The following RAB38 variants were observed in gnomAD, a reference collection of about 807,000 sequenced individuals.
RAB38 encodes the protein RAB38, member RAS oncogene family.
Under a neutral mutation model 18.4 loss-of-function variants are expected in RAB38, and 15 were observed. The observed-to-expected ratio is 0.82, with a 90% CI of 0.55 to 1.26. The LOEUF is 1.26. Ranked by LOEUF, RAB38 falls within the 50% of genes most tolerant of loss-of-function variation. The probability of loss-of-function intolerance (pLI) is 0.00; values close to 1 mark genes in which losing one functional copy is unlikely to be tolerated. For missense variants in RAB38, 294 were observed against 267.4 expected (o/e 1.10, Z -0.69); for synonymous variants, 101 against 104.4 (o/e 0.97, Z 0.20).
At chr11:87,879,127 A>G in the RAB38 span, among the ~76,000 whole-genome samples, 1 of 151,620 alleles carries the variant, frequency 6.6e-6, no homozygotes, top group Non-Finnish European at 1.5e-5. Flanking sequence ...AATTACTTTT[A>G]TATTAGGCAT....
the RAB38 span, among the ~76,000 whole-genome samples, chr11:87,937,817 GCTTT>G: frequency 5.5e-4 from 81 of 146,196 alleles, no homozygotes; most frequent in African/African-American, 1.9e-3. Context: ...CTTGGCCGGC[GCTTT>G]CTATTTTCTT....
the RAB38 span, among the ~76,000 whole-genome samples, chr11:87,915,488 C>T: frequency 1.3e-5 from 2 of 152,066 alleles, no homozygotes; most frequent in African/African-American, 4.8e-5. Flanking sequence ...TGCTAAAAGA[C>T]ACTCCCACCA....
the RAB38 span, among the ~76,000 whole-genome samples, chr11:87,969,208 G>C: frequency 6.6e-6 from 1 of 151,878 alleles, no homozygotes; most frequent in African/African-American, 2.4e-5. Flanking sequence ...TTTCCAACTC[G>C]ATATTACTCA....
At chr11:87,905,497 T>G in the RAB38 span, among the ~76,000 whole-genome samples, 1 of 152,080 alleles carries the variant, frequency 6.6e-6, no homozygotes, top group Admixed American at 6.6e-5. Context: ...CTTGCAGACT[T>G]AATTTACTTG....
At chr11:87,860,156 C>T in the RAB38 span, among the ~76,000 whole-genome samples, 2 of 151,830 alleles carry the variant, frequency 1.3e-5, no homozygotes, top group Non-Finnish European at 2.9e-5. Context: ...TTAAAGTGCT[C>T]ACTATACTAG....
the RAB38 span, among the ~76,000 whole-genome samples, chr11:87,835,305 C>T: frequency 2.0e-5 from 3 of 151,992 alleles, no homozygotes; most frequent in Non-Finnish European, 4.4e-5. Flanking sequence ...GTACTGTCAC[C>T]ACCAAAGGCA....
the RAB38 span, among the ~76,000 whole-genome samples, chr11:87,876,246 C>T: frequency 6.6e-6 from 1 of 151,562 alleles, no homozygotes; most frequent in Non-Finnish European, 1.5e-5. Flanking sequence ...GACATTCATG[C>T]CAATGACTGA....
chr11:87,969,791 G>T, the RAB38 span, among the ~76,000 whole-genome samples: 1 of 152,110 alleles, frequency 6.6e-6, no homozygotes, highest in Non-Finnish European at 1.5e-5. Flanking sequence ...CTAGCAAAAA[G>T]GTAACAGCTT....
the RAB38 span, among the ~76,000 whole-genome samples, chr11:87,867,161 G>A: frequency 2.0e-5 from 3 of 151,722 alleles, no homozygotes; most frequent in Non-Finnish European, 4.4e-5. Flanking sequence ...ACTACCACAT[G>A]CTTGGCAGCA....
At chr11:88,065,225 C>T in the RAB38 span, among the ~76,000 whole-genome samples, 1 of 152,182 alleles carries the variant, frequency 6.6e-6, no homozygotes, top group Admixed American at 6.5e-5. Context: ...CTAACCAATG[C>T]CACAATAACG....
At chr11:87,867,840 C>CAGAG in the RAB38 span, among the ~76,000 whole-genome samples, 2 of 151,608 alleles carry the variant, frequency 1.3e-5, no homozygotes, top group East Asian at 3.9e-4. Flanking sequence ...AACTAAGATC[C>CAGAG]AGAGAGTTAA....
chr11:87,879,232 G>A, the RAB38 span, among the ~76,000 whole-genome samples: 1 of 151,354 alleles, frequency 6.6e-6, no homozygotes, highest in Non-Finnish European at 1.5e-5. Flanking sequence ...CATTTTCATG[G>A]ATACGGACTG....
the RAB38 span, among the ~76,000 whole-genome samples, chr11:87,824,763 T>A: frequency 6.6e-6 from 1 of 151,556 alleles, no homozygotes; most frequent in Non-Finnish European, 1.5e-5. Flanking sequence ...TTCCAGGAGG[T>A]CCAAAATGCA....
intron 1 of RAB38, among the ~76,000 whole-genome samples, chr11:88,154,468 T>G (rs1943101474): frequency 6.6e-6 from 1 of 152,180 alleles, no homozygotes; most frequent in Non-Finnish European, 1.5e-5. Context: ...AGGGCCAGCT[T>G]GGCGATCTGG....
At chr11:88,003,880 A>AG in the RAB38 span, among the ~76,000 whole-genome samples, 800 of 16,740 alleles carry the variant, frequency 0.048, 244 homozygotes, top group South Asian at 0.073. Context: ...ATATATTTAT[A>AG]TATATAATTA....
the RAB38 span, among the ~76,000 whole-genome samples, chr11:87,977,831 A>ATG: frequency 1.8e-5 from 2 of 108,822 alleles, no homozygotes; most frequent in Non-Finnish European, 3.4e-5. Flanking sequence ...ATGTTCCTAT[A>ATG]TAATCATGTA....
At chr11:88,043,074 G>C in the RAB38 span, among the ~76,000 whole-genome samples, 1 of 152,002 alleles carries the variant, frequency 6.6e-6, no homozygotes, top group African/African-American at 2.4e-5. Flanking sequence ...CTATGCAAAC[G>C]TAACAAGTAT....
chr11:87,935,401 A>C, the RAB38 span, among the ~76,000 whole-genome samples: 15 of 151,776 alleles, frequency 9.9e-5, no homozygotes, highest in Admixed American at 7.9e-4. Flanking sequence ...CTTCACCCCC[A>C]TCCTTTCTCA....
the RAB38 span, among the ~76,000 whole-genome samples, chr11:88,037,461 C>T: frequency 6.6e-6 from 1 of 151,924 alleles, no homozygotes; most frequent in Admixed American, 6.6e-5. Context: ...ATAAAGTGTA[C>T]CCATTCTAAG....
Sources: allele counts gnomAD v4.1 joint callset (sites outside exome capture counted in the v4.1 genomes callset), GRCh38; gene constraint gnomAD v4.1.1; transcripts MANE v1.5; gene names NCBI Gene and HGNC (gene_info 2026-07-23, HGNC 2026-07-21).